MYT1L: variants seen among roughly 807,000 people sequenced by gnomAD.
MYT1L encodes myelin transcription factor 1-like protein.
Under a neutral mutation model 126.7 loss-of-function variants are expected in MYT1L, and 12 were observed. That is an observed-to-expected ratio of 0.09 (90% CI 0.06 to 0.15). The LOEUF (loss-of-function observed/expected upper bound fraction) is 0.15. MYT1L is among the 10% of genes least tolerant of loss of function. The probability of loss-of-function intolerance (pLI) is 1.00; values close to 1 mark genes in which losing one functional copy is unlikely to be tolerated. For synonymous variants in MYT1L, 541 were observed against 604.2 expected (o/e 0.90, Z 1.53); for missense variants, 979 against 1,585.2 (o/e 0.62, Z 6.49).
intron 9 of MYT1L, among the ~76,000 whole-genome samples, chr2:1,930,486 C>T (rs2054811672): frequency 6.6e-6 from 1 of 152,176 alleles, no homozygotes; most frequent in South Asian, 2.1e-4. Flanking sequence ...TAACGACCTC[C>T]CTGCAATCAC....
At chr2:2,142,453 T>C (rs191978287) in intron 3 of MYT1L, among the ~76,000 whole-genome samples, 63 of 152,264 alleles carry the variant, frequency 4.1e-4, no homozygotes, top group African/African-American at 1.1e-3. Flanking sequence ...TGTGAGTTTG[T>C]TGTTATGCGA....
intron 4 of MYT1L, among the ~76,000 whole-genome samples, chr2:2,042,968 G>A (rs974104825): frequency 9.9e-5 from 15 of 152,162 alleles, no homozygotes; most frequent in Non-Finnish European, 1.8e-4. Flanking sequence ...GCACTGCACC[G>A]GGGGTGGCAC....
chr2:2,036,489 G>A (rs71442316), intron 4 of MYT1L, among the ~76,000 whole-genome samples: 6 of 139,850 alleles, frequency 4.3e-5, no homozygotes, highest in Non-Finnish European at 7.9e-5. Context: ...AAGAGAGCTC[G>A]TAACTTCTCC....
intron 21 of MYT1L, among the ~76,000 whole-genome samples, chr2:1,835,900 C>T (rs988158107): frequency 1.6e-4 from 25 of 152,206 alleles, no homozygotes; most frequent in African/African-American, 4.6e-4. Flanking sequence ...TCTGCATACA[C>T]GTGAATACTG....
chr2:2,033,904 C>A (rs1239873974), intron 4 of MYT1L, among the ~76,000 whole-genome samples: 7 of 152,180 alleles, frequency 4.6e-5, no homozygotes, highest in Non-Finnish European at 1.0e-4. Context: ...AGGTGCATTT[C>A]ACTCTAGAGT....
intron 5 of MYT1L, among the ~76,000 whole-genome samples, chr2:1,983,631 G>A (rs2060777404): frequency 6.6e-6 from 1 of 152,176 alleles, no homozygotes; most frequent in Non-Finnish European, 1.5e-5. Flanking sequence ...CTACCCGCCT[G>A]AAAAGAATGC....
At chr2:1,961,388 A>T (rs926578162) in intron 8 of MYT1L, among the ~76,000 whole-genome samples, 30 of 152,190 alleles carry the variant, frequency 2.0e-4, no homozygotes, top group Non-Finnish European at 3.7e-4. Flanking sequence ...TCTTGGTCTC[A>T]CTGAACATTC....
At chr2:2,215,817 C>A (rs1053005369) in intron 2 of MYT1L, among the ~76,000 whole-genome samples, 3 of 152,074 alleles carry the variant, frequency 2.0e-5, no homozygotes, top group African/African-American at 7.2e-5. Context: ...TTGCATCCCC[C>A]AGTGTTGGAG....
Position 2,190,756 on chromosome 2 carries a change from A to G in MYT1L, c.-420-17768T>C, listed in dbSNP as rs981525938. ...TAATAAATGTTCTGACTCTTCTGCC[A>G]TGATCAAGCGTATGGCAGGTTCTTA... is the stretch of plus-strand genomic sequence containing the variant. On this transcript the variant is annotated intron_variant, in intron 2 of 24. Coordinates refer to ENST00000647738, the MANE Select transcript of MYT1L (RefSeq NM_001303052.2). 3.3e-5 allele frequency among the ~76,000 whole-genome samples: 5 copies of G among 152,314 alleles called. No homozygotes were observed. In the South Asian group the frequency reaches 1.0e-3, roughly 32 times the overall value.
intron 4 of MYT1L, among the ~76,000 whole-genome samples, chr2:2,049,104 T>C (rs916101246): frequency 7.2e-5 from 11 of 152,178 alleles, no homozygotes; most frequent in African/African-American, 2.2e-4. Context: ...CTGAAAACAA[T>C]TGAAAAGCAT....
rs989769128 is a variant in MYT1L, at chr2:1,979,447, T to C, written c.89+74A>G. ...AGCAAGCTGCCGATGAGCTGGAAGG[T>C]GCAGTGTGCCCATTAGAAGGCGTGA... On this transcript the variant is annotated intron_variant, in intron 7 of 24. Coordinates refer to ENST00000647738, the MANE Select transcript of MYT1L (RefSeq NM_001303052.2). The surrounding 1 kb of genome is among the most constrained non-coding windows in gnomAD (Gnocchi z 4.0). 7.2e-6 allele frequency: 10 copies of C among 1,395,120 alleles called. No homozygotes were observed. The East Asian group carries it at 9.1e-5, about 13-fold the overall frequency. The allele number at this position is 1,395,120 out of a possible 1,614,324, so 86.4% of individuals were successfully genotyped here.
rs114751773 is a variant in MYT1L, at chr2:2,224,490, G to A, written c.-420-51502C>T. Among the ~76,000 whole-genome samples the A allele has an allele frequency of 0.011, 1,669 of 152,176 alleles. 32 individuals carry two copies. The highest frequency in any genetic ancestry group is 0.039 in the African/African-American group (1,600 of 41,514). ...GAATTAGATTAGGTTCAGCCTCATCGCACCCCATGCCATAACTATTTTTCC... is the reference window on the plus strand; with the variant it reads ...GAATTAGATTAGGTTCAGCCTCATCACACCCCATGCCATAACTATTTTTCC... On this transcript the variant is annotated intron_variant, in intron 2 of 24. Transcript: ENST00000647738. This position sits in a 1 kb window ranked among gnomAD's most constrained non-coding sequence, Gnocchi z 4.0.
chr2:2,265,895 CT>C (rs985964645), intron 2 of MYT1L, among the ~76,000 whole-genome samples: 1 of 152,120 alleles, frequency 6.6e-6, no homozygotes, highest in Non-Finnish European at 1.5e-5. Flanking sequence ...GAGGAAAACA[CT>C]GAAGGCTGTG....
Position 1,887,711 on chromosome 2 carries a change from T to G in MYT1L, c.2521-102A>C. 2.2e-6 allele frequency: 3 copies of G among 1,358,384 alleles called. No individual in the cohort carries two copies. The highest frequency in any genetic ancestry group is 4.6e-5 in the East Asian group (2 of 43,496). 84.1% of individuals were successfully genotyped at this position (1,358,384 alleles called of 1,614,324 possible). A position where few individuals can be genotyped will look rare whatever the true frequency, so the allele number is the denominator to read the frequency against. On this transcript the variant is annotated intron_variant, in intron 16 of 24. Transcript: ENST00000647738. This position sits in a 1 kb window ranked among gnomAD's most constrained non-coding sequence, Gnocchi z 4.8. ...TGGGGTGGCCTCTACATCTTACACC[T>G]CTTTCTGCTGTACCTTTAAGATCCT...
chr2:1,792,567 C>A, intron 23 of MYT1L, 103 bp from the exon 24 acceptor site: 4 of 1,278,234 alleles, frequency 3.1e-6, no homozygotes, highest in Non-Finnish European at 4.2e-6. Flanking sequence ...AGGGGCCTCT[C>A]GCTGAAGGAG....
rs889203664 is a variant in MYT1L at position 2,242,126 on chromosome 2, C to T, written c.-421+42278G>A. Reference sequence around the variant, plus strand: ...GGAAAAGGAAAAAATGTCAGAAGTACGAGCTTTCTTCACTTAAGTAACTGG... The same window carrying T: ...GGAAAAGGAAAAAATGTCAGAAGTATGAGCTTTCTTCACTTAAGTAACTGG... On this transcript the variant is annotated intron_variant, in intron 2 of 24. Transcript: ENST00000647738. 5.3e-5 allele frequency among the ~76,000 whole-genome samples: 8 copies of T among 152,216 alleles called. No individual in the cohort carries two copies. The South Asian group carries it at 8.3e-4, about 16-fold the overall frequency.
At chr2:1,954,616 G>A (rs1214060654) in intron 8 of MYT1L, among the ~76,000 whole-genome samples, 1 of 152,104 alleles carries the variant, frequency 6.6e-6, no homozygotes, top group Non-Finnish European at 1.5e-5. Flanking sequence ...GCAAGTGGCT[G>A]TTCCACTTTC....
At chr2:1,837,828 G>A (rs564582726) in intron 21 of MYT1L, among the ~76,000 whole-genome samples, 2 of 152,128 alleles carry the variant, frequency 1.3e-5, no homozygotes, top group South Asian at 2.1e-4. Flanking sequence ...CAGAGAAGAC[G>A]GGAACTGCCT....
intron 2 of MYT1L, among the ~76,000 whole-genome samples, chr2:2,275,458 A>G (rs1354768918): frequency 3.9e-5 from 6 of 152,114 alleles, no homozygotes; most frequent in Non-Finnish European, 2.9e-5. Context: ...TATATATGAC[A>G]TGCTGAGCCC....
Sources: allele counts gnomAD v4.1 joint callset (sites outside exome capture counted in the v4.1 genomes callset), GRCh38; gene constraint gnomAD v4.1.1; non-coding constraint Gnocchi (gnomAD v3.1); transcripts MANE v1.5; gene names NCBI Gene and HGNC (gene_info 2026-07-23, HGNC 2026-07-21).